Variants in ZSCAN18 observed in about 807,000 individuals in gnomAD.
ZSCAN18 encodes the protein zinc finger and SCAN domain-containing protein 18.
In ZSCAN18, 16 loss-of-function variants were observed where a neutral mutation model predicts 31.1. That is an observed-to-expected ratio of 0.51 (90% CI 0.35 to 0.78). The LOEUF (loss-of-function observed/expected upper bound fraction) is 0.78, where lower values mean the gene tolerates loss of function less well. Ranked by LOEUF, ZSCAN18 falls within the 30% of genes least tolerant of loss-of-function variation. The pLI is 0.01. For missense variants in ZSCAN18, 731 were observed against 697.4 expected (o/e 1.05, Z -0.54); for synonymous variants, 375 against 320.7 (o/e 1.17, Z -1.81).
intron 5 of ZSCAN18, chr19:58,086,581 CAA>C (rs2145969064): frequency 2.1e-6 from 1 of 467,086 alleles, no homozygotes. Context: ...AGAACGTCTA[CAA>C]AAGAGGAGAC....
In ZSCAN18 at chr19:58,084,829, G is replaced by A. The variant is rs374324467; in HGVS notation, c.1389C>T (p.His463=). The change falls in exon 7 of 7, where the codon CAC becomes CAT. Residue 463 remains histidine (H), a synonymous_variant. Transcript: ENST00000601144. The surrounding 1 kb of genome is among the most constrained non-coding windows in gnomAD (Gnocchi z 4.5). ...CCAGCGCGTAGCTTTTCTCCTTCTC[G>A]TGGGTCTTCTGGTGCTCGGCTAGGG... ...SLALAEHQKT[H]EKEKSYALGG... The A allele has an allele frequency of 9.4e-6, 15 of 1,596,042 alleles. No individual in the cohort carries two copies. Among genetic ancestry groups the A allele is most frequent in the African/African-American group, 5.4e-5 (4 of 74,762 alleles).
At chr19:58,116,702 A>T (rs2074732983) in intron 1 of ZSCAN18, among the ~76,000 whole-genome samples, 1 of 152,132 alleles carries the variant, frequency 6.6e-6, no homozygotes, top group Non-Finnish European at 1.5e-5. Context: ...AACAGTCCTT[A>T]GCCTAGCAGC....
At chr19:58,104,390 AACAAAACAAAAC>A (rs1182247095) in intron 1 of ZSCAN18, among the ~76,000 whole-genome samples, 11 of 132,788 alleles carry the variant, frequency 8.3e-5, no homozygotes, top group African/African-American at 4.5e-4. Context: ...AACAAAACAA[AACAAAACAAAAC>A]AAAAAAAAAG....
Position 58,086,216 on chromosome 19 carries a change from G to A in ZSCAN18, c.796C>T (p.Leu266Phe), listed in dbSNP as rs776002548. The A allele has an allele frequency of 9.3e-6, 15 of 1,613,976 alleles. No individual in the cohort carries two copies. The South Asian group carries it at 1.6e-4, about 18-fold the overall frequency. The change falls in exon 6 of 7, where the codon CTC becomes TTC. Residue 266 changes from leucine (L) to phenylalanine (F), a missense_variant. Coordinates refer to ENST00000601144, the MANE Select transcript of ZSCAN18 (RefSeq NM_001145543.2). ...TGTGGATCTCTTTCCACCAACCGGAGTTCCTCAGTGTCCAGCCTGGAGGCA... is the reference window on the plus strand; with the variant it reads ...TGTGGATCTCTTTCCACCAACCGGAATTCCTCAGTGTCCAGCCTGGAGGCA... ...DAASRLDTEE[L>F]RLVERDPQGS...
At chr19:58,087,067 G>A (rs1409808290) in intron 4 of ZSCAN18, 59 bp from the exon 5 acceptor site, 54 of 1,413,742 alleles carry the variant, frequency 3.8e-5, no homozygotes, top group East Asian at 4.8e-5. Flanking sequence ...AGGACCCGCC[G>A]CAGCCCCACA....
chr19:58,091,665 T>G lies in ZSCAN18; in HGVS notation c.-119-1279A>C, dbSNP rs926178911. 2.0e-5 allele frequency among the ~76,000 whole-genome samples: 3 copies of G among 152,146 alleles called. 1 individual carries two copies. The highest frequency in any genetic ancestry group is 4.4e-5 in the Non-Finnish European group (3 of 68,030). On this transcript the variant is annotated intron_variant, in intron 1 of 6. Coordinates refer to ENST00000601144, the MANE Select transcript of ZSCAN18 (RefSeq NM_001145543.2). ...CATTAAGTGAAGCCAGTATTCAGGA[T>G]GAACTCTCTTGATTGTAACTGTGCA...
Position 58,098,217 on chromosome 19 carries a change from C to G in ZSCAN18, c.-163G>C, listed in dbSNP as rs1231730926. On this transcript the variant is annotated 5_prime_UTR_variant, in exon 1 of 7. Transcript: ENST00000601144. ...AGGCCGGTCCCAGCCGCCCGGAGCC[C>G]CAGTGCGCGATGGCGGCCGGCAAAC... The G allele has an allele frequency of 1.0e-6, 1 of 985,510 alleles. No homozygotes were observed. Among genetic ancestry groups the G allele is most frequent in the Non-Finnish European group, 1.2e-6 (1 of 829,990 alleles). The allele number at this position is 985,510 out of a possible 1,614,324, so 61.0% of individuals were successfully genotyped here.
At chr19:58,098,259 G>A (rs550883277), upstream of ZSCAN18, 7 of 985,400 alleles carry the variant, frequency 7.1e-6, no homozygotes, top group Admixed American at 6.1e-5. Flanking sequence ...TGCGCACTGG[G>A]CCTCACCGCG....
Position 58,087,399 on chromosome 19 carries a change from G to A in ZSCAN18, c.559C>T (p.Leu187Phe). ...EIPAPSETPW[L>F]SPDPLFLEQR... is the part of the protein sequence containing the mutation. ...TCCAGAAACAGGGGGTCCGGAGAAA[G>A]CCAGGCTGGGGAGAAGGAGAGGCAG... Residue 187 changes from leucine to phenylalanine, a missense_variant, in exon 4 of 7, where the codon CTT (leucine) becomes TTT (phenylalanine). Leu to Phe is a conservative substitution (Grantham distance 22). This residue lies in a region of ZSCAN18 where 597 missense variants were observed against 499.5 expected (regional missense o/e 1.20). Coordinates refer to ENST00000601144, the MANE Select transcript of ZSCAN18 (RefSeq NM_001145543.2). 1 of 1,598,566 alleles carries A rather than the reference G, an allele frequency of 6.3e-7. No homozygotes were observed. The highest frequency in any genetic ancestry group is 1.1e-5 in the South Asian group (1 of 88,548).
chr19:58,115,908 CTCCCTAAAGCACTGGT>C (rs2074725798), intron 1 of ZSCAN18, among the ~76,000 whole-genome samples: 1 of 151,944 alleles, frequency 6.6e-6, no homozygotes, highest in South Asian at 2.1e-4. Context: ...TTCAACTTGC[CTCCCTAAAGCACTGGT>C]GGAAACGCTG....
upstream of ZSCAN18, among the ~76,000 whole-genome samples, chr19:58,099,962 A>ATTTTTT (rs748690700): frequency 3.5e-4 from 21 of 59,484 alleles, no homozygotes; most frequent in Non-Finnish European, 7.9e-4. Flanking sequence ...TTTGAAAGCT[A>ATTTTTT]TGTTTTTTTT....
chr19:58,085,598 A>C, intron 6 of ZSCAN18: 1 of 534,272 alleles, frequency 1.9e-6, no homozygotes, highest in East Asian at 3.3e-5. Flanking sequence ...GGCCTCCAAC[A>C]ACGGAGGCCA....
chr19:58,106,261 G>C (rs1158205149), intron 1 of ZSCAN18, among the ~76,000 whole-genome samples: 7 of 152,020 alleles, frequency 4.6e-5, no homozygotes, highest in Non-Finnish European at 1.0e-4. Flanking sequence ...AAATTAGCCA[G>C]GCGTGGTGGT....
intron 1 of ZSCAN18, among the ~76,000 whole-genome samples, chr19:58,117,679 A>T (rs1284961785): frequency 6.6e-6 from 1 of 151,062 alleles, no homozygotes; most frequent in East Asian, 2.0e-4. Context: ...GGAGGGGTCC[A>T]TACCCTGGGA....
chr19:58,097,635 T>C (rs1599992248), intron 1 of ZSCAN18, among the ~76,000 whole-genome samples: 1 of 148,070 alleles, frequency 6.8e-6, no homozygotes, highest in African/African-American at 2.5e-5. Context: ...CTGCCCAGCG[T>C]CCCCCCACCA....
intron 1 of ZSCAN18, among the ~76,000 whole-genome samples, chr19:58,114,049 C>A (rs1381582648): frequency 6.6e-6 from 1 of 151,918 alleles, no homozygotes; most frequent in Non-Finnish European, 1.5e-5. Context: ...GTGGGCAGAT[C>A]ACAAGGTCAG....
At chr19:58,105,977 T>A (rs1208736590) in intron 1 of ZSCAN18, among the ~76,000 whole-genome samples, 2 of 151,164 alleles carry the variant, frequency 1.3e-5, no homozygotes, top group African/African-American at 4.9e-5. Flanking sequence ...AGAATCCTTA[T>A]CAAAAAAGAA....
At chr19:58,093,669 G>T (rs984392310) in intron 1 of ZSCAN18, among the ~76,000 whole-genome samples, 1 of 152,118 alleles carries the variant, frequency 6.6e-6, no homozygotes, top group African/African-American at 2.4e-5. Flanking sequence ...TCCCTGTCTG[G>T]CTCTATCTTG....
At chr19:58,098,687 G>T (rs2074566430), upstream of ZSCAN18, among the ~76,000 whole-genome samples, 1 of 152,120 alleles carries the variant, frequency 6.6e-6, no homozygotes, top group South Asian at 2.1e-4. Context: ...GAAAGGGAAA[G>T]ACCAGCATGG....
Sources: allele counts gnomAD v4.1 joint callset (sites outside exome capture counted in the v4.1 genomes callset), GRCh38; gene constraint gnomAD v4.1.1; regional missense constraint gnomAD v4.1.1; non-coding constraint Gnocchi (gnomAD v3.1); transcripts MANE v1.5; gene names NCBI Gene and HGNC (gene_info 2026-07-23, HGNC 2026-07-21).